CIAO2A: variants seen among roughly 807,000 people sequenced by gnomAD.
CIAO2A encodes MIP18 family protein FAM96A.
Under a neutral mutation model 22.4 loss-of-function variants are expected in CIAO2A, and 17 were observed. That is an observed-to-expected ratio of 0.76 (90% CI 0.52 to 1.14). The LOEUF (loss-of-function observed/expected upper bound fraction) is 1.14, where lower values mean the gene tolerates loss of function less well. CIAO2A is among the 50% of genes most tolerant of loss of function. The pLI, the probability that CIAO2A is intolerant of heterozygous loss-of-function variation, is 0.00. For missense variants in CIAO2A, 192 were observed against 191.4 expected, an observed-to-expected ratio of 1.00 and a Z score of -0.02; for synonymous variants, 74 against 72.3, an observed-to-expected ratio of 1.02 and a Z score of -0.12.
chr15:64,086,820 G>C (rs2080800386), intron 2 of CIAO2A, among the ~76,000 whole-genome samples: 1 of 151,218 alleles, frequency 6.6e-6, no homozygotes, highest in Middle Eastern at 3.2e-3. Flanking sequence ...CACCATGTTG[G>C]CCAGGCTGGT....
intron 2 of CIAO2A, among the ~76,000 whole-genome samples, chr15:64,084,056 T>C (rs2080776021): frequency 6.6e-6 from 1 of 152,222 alleles, no homozygotes; most frequent in African/African-American, 2.4e-5. Flanking sequence ...TGTACAGATC[T>C]GAAATATCAA....
At chr15:64,093,432 A>C (rs1460233937) in intron 1 of CIAO2A, among the ~76,000 whole-genome samples, 1 of 152,052 alleles carries the variant, frequency 6.6e-6, no homozygotes, top group Non-Finnish European at 1.5e-5. Context: ...CGAAGAGCCC[A>C]GTTCCCAGAA....
At chr15:64,087,115 A>T (rs1447260745) in intron 2 of CIAO2A, among the ~76,000 whole-genome samples, 4 of 131,172 alleles carry the variant, frequency 3.0e-5, no homozygotes, top group Non-Finnish European at 6.4e-5. Context: ...TTGGGAGATA[A>T]GAGTCTCGCT....
intron 2 of CIAO2A, among the ~76,000 whole-genome samples, chr15:64,082,208 T>G (rs1171795957): frequency 2.6e-5 from 4 of 152,104 alleles, no homozygotes; most frequent in Admixed American, 1.3e-4. Context: ...AATGAGGTGG[T>G]GCCTGCCACA....
intron 2 of CIAO2A, among the ~76,000 whole-genome samples, chr15:64,081,882 C>A (rs1369596129): frequency 6.6e-6 from 1 of 151,814 alleles, no homozygotes; most frequent in Non-Finnish European, 1.5e-5. Context: ...GGCCAGGACA[C>A]GCAAAAAAAT....
chr15:64,075,216 A>G (rs2141274358), intron 4 of CIAO2A: 1 of 259,542 alleles, frequency 3.9e-6, no homozygotes, highest in South Asian at 1.0e-4. Flanking sequence ...CTTAGAGCTC[A>G]TAAGTCAAGG....
intron 2 of CIAO2A, among the ~76,000 whole-genome samples, chr15:64,085,036 G>GAGCCAAGAAT (rs71133406): frequency 2.7e-5 from 4 of 150,772 alleles, no homozygotes; most frequent in East Asian, 1.9e-4. Flanking sequence ...AAGCTCCAGT[G>GAGCCAAGAAT]GCCACTACAC....
intron 2 of CIAO2A, 80 bp downstream of exon 2, chr15:64,088,607 C>T (rs2080815340): frequency 8.6e-7 from 1 of 1,165,278 alleles, no homozygotes; most frequent in Non-Finnish European, 1.2e-6. Context: ...AACAATGATG[C>T]AAATTGTTAT....
At chr15:64,086,090 A>G (rs1243525539) in intron 2 of CIAO2A, among the ~76,000 whole-genome samples, 1 of 151,772 alleles carries the variant, frequency 6.6e-6, no homozygotes, top group East Asian at 1.9e-4. Context: ...TTACTCATAT[A>G]ATTTAAATAA....
chr15:64,092,617 T>C (rs187394107), intron 1 of CIAO2A, among the ~76,000 whole-genome samples: 7 of 152,318 alleles, frequency 4.6e-5, no homozygotes, highest in African/African-American at 1.7e-4. Flanking sequence ...AGGACAGGGA[T>C]GTGGTCTGCT....
At chr15:64,075,619 C>A in intron 3 of CIAO2A, 82 bp from the exon 4 acceptor site, 2 of 820,598 alleles carry the variant, frequency 2.4e-6, no homozygotes, top group Non-Finnish European at 3.8e-6. Flanking sequence ...ACAGTAAATT[C>A]AAACATCTAG....
chr15:64,081,728 G>T (rs2140109754), intron 2 of CIAO2A, among the ~76,000 whole-genome samples: 1 of 151,896 alleles, frequency 6.6e-6, no homozygotes, highest in Non-Finnish European at 1.5e-5. Context: ...TGGTACAGAT[G>T]GGGTTTCACC....
In CIAO2A at chr15:64,088,937, G is replaced by A. The variant is rs2140115724; in HGVS notation, c.125-86C>T. 3 of 1,304,318 alleles carry A rather than the reference G, an allele frequency of 2.3e-6. No individual in the cohort carries two copies. In the South Asian group the frequency reaches 4.2e-5, roughly 18 times the overall value. 80.8% of individuals were successfully genotyped at this position (1,304,318 alleles called of 1,614,324 possible). ...TTTTGCCAGGCCTAATTTAAGCACT[G>A]ACTTCTCTTACGTTTAAGCAAATAG... On this transcript the variant is annotated intron_variant, in intron 1 of 4. Transcript: ENST00000300030.
intron 4 of CIAO2A, among the ~76,000 whole-genome samples, chr15:64,073,582 A>T (rs1595950019): frequency 6.6e-6 from 1 of 152,172 alleles, no homozygotes; most frequent in Non-Finnish European, 1.5e-5. Flanking sequence ...GTTTGGCAAC[A>T]ATACCTGGTA....
chr15:64,093,129 C>G (rs2080856240), intron 1 of CIAO2A, among the ~76,000 whole-genome samples: 1 of 152,212 alleles, frequency 6.6e-6, no homozygotes, highest in African/African-American at 2.4e-5. Context: ...AAGCCAATCT[C>G]GTTCTCTTCT....
chr15:64,081,090 C>T lies in CIAO2A; in HGVS notation c.339+12G>A. On this transcript the variant is annotated intron_variant, in intron 3 of 4. Transcript: ENST00000300030. ...TACAACAACAACAACAACAAAAATACATCTTTCTTACCTTATGTTTAAATG... is the reference window on the plus strand; with the variant it reads ...TACAACAACAACAACAACAAAAATATATCTTTCTTACCTTATGTTTAAATG... 1 of 1,610,908 alleles carries T rather than the reference C, an allele frequency of 6.2e-7. No individual in the cohort carries two copies. Among genetic ancestry groups the T allele is most frequent in the Non-Finnish European group, 8.5e-7 (1 of 1,178,630 alleles).
intron 1 of CIAO2A, among the ~76,000 whole-genome samples, chr15:64,093,442 A>C (rs1211064934): frequency 6.6e-6 from 1 of 152,026 alleles, no homozygotes; most frequent in Non-Finnish European, 1.5e-5. Context: ...AGTTCCCAGA[A>C]AGACCCACAC....
rs544105394 is a variant in CIAO2A at position 64,077,050 on chromosome 15, T to C, written c.340-1513A>G. On this transcript the variant is annotated intron_variant, in intron 3 of 4. Transcript: ENST00000300030. ...AAAACAAGCCGGGCGTGGTGGCTCA[T>C]GCCTGTAATCCCAGCAATTTGGGAG... Among the ~76,000 whole-genome samples, 193 of 152,268 alleles carry C rather than the reference T, an allele frequency of 1.3e-3. 3 individuals carry two copies. The highest frequency in any genetic ancestry group is 1.2e-3 in the Non-Finnish European group (85 of 68,020).
At chr15:64,078,122 ATTTCT>A (rs935333814) in intron 3 of CIAO2A, among the ~76,000 whole-genome samples, 4 of 152,188 alleles carry the variant, frequency 2.6e-5, no homozygotes, top group Admixed American at 6.5e-5. Flanking sequence ...TCACTATTTT[ATTTCT>A]TTTCTTTCAT....
Sources: gnomAD v4.1 joint callset for allele counts (sites outside exome capture counted in the v4.1 genomes callset) on GRCh38, gnomAD v4.1.1 for gene constraint, MANE v1.5 for transcripts, NCBI Gene and HGNC (gene_info 2026-07-23, HGNC 2026-07-21) for gene names.